DIO1: variants seen among roughly 807,000 people sequenced by gnomAD.
DIO1 encodes iodothyronine deiodinase 1.
A neutral mutation model predicts 25.9 loss-of-function variants in DIO1; 17 were observed. That is an observed-to-expected ratio of 0.66 (90% CI 0.45 to 0.98). The LOEUF (loss-of-function observed/expected upper bound fraction) is 0.98, where lower values mean the gene tolerates loss of function less well. Ranked by LOEUF, DIO1 falls within the 50% of genes least tolerant of loss-of-function variation. DIO1 has a pLI of 0.00. For missense variants in DIO1, 270 were observed against 310.4 expected, an observed-to-expected ratio of 0.87 and a Z score of 0.98; for synonymous variants, 115 against 114.0, an observed-to-expected ratio of 1.01 and a Z score of -0.05.
rs1231061349 is a variant in DIO1, at chr1:53,910,014, T to C, written c.*15T>C. The C allele has an allele frequency of 6.2e-7, 1 of 1,612,566 alleles. No individual in the cohort carries two copies. Among genetic ancestry groups the C allele is most frequent in the Non-Finnish European group, 8.5e-7 (1 of 1,178,682 alleles). On this transcript the variant is annotated 3_prime_UTR_variant, in exon 4 of 4. Transcript: ENST00000361921. ...TCCACAGTTAATCTGGACAGATACC[T>C]CAATTCTAGGTGACCAACGGGAGGG...
chr1:53,896,456 G>T (rs1651085801), intron 1 of DIO1, among the ~76,000 whole-genome samples: 1 of 152,048 alleles, frequency 6.6e-6, no homozygotes, highest in South Asian at 2.1e-4. Context: ...GGACTCAAGT[G>T]ATCCACCCAC....
intron 1 of DIO1, among the ~76,000 whole-genome samples, chr1:53,897,308 T>C (rs1651129711): frequency 6.6e-6 from 1 of 152,072 alleles, no homozygotes; most frequent in South Asian, 2.1e-4. Context: ...AAACCTCGTC[T>C]CTACTAAAAA....
chr1:53,907,650 G>A (rs12080377), intron 3 of DIO1, among the ~76,000 whole-genome samples: 16,023 of 152,170 alleles, frequency 0.11, 932 homozygotes, highest in African/African-American at 0.15. Flanking sequence ...AGTGGCTTAC[G>A]CCTGTAATCC....
chr1:53,904,678 T>C lies in DIO1; in HGVS notation c.350T>C (p.Leu117Pro), dbSNP rs1651552315. Residue 117 changes from leucine to proline, a missense_variant, in exon 2 of 4, where the codon CTG (leucine) becomes CCG (proline). Transcript: ENST00000361921. ...IWEFMQGNRP[L>P]VLNFGSCTUP... Reference sequence around the variant, plus strand: ...GTTGCTGTTTCAGGTAATAGGCCACTGGTGCTGAATTTTGGAAGTTGTACC... The same window carrying C: ...GTTGCTGTTTCAGGTAATAGGCCACCGGTGCTGAATTTTGGAAGTTGTACC... 1 of 1,613,682 alleles carries C rather than the reference T, an allele frequency of 6.2e-7. No homozygotes were observed. Among genetic ancestry groups the C allele is most frequent in the Non-Finnish European group, 8.5e-7 (1 of 1,179,800 alleles).
chr1:53,897,310 T>C (rs929692856), intron 1 of DIO1, among the ~76,000 whole-genome samples: 3 of 152,060 alleles, frequency 2.0e-5, no homozygotes, highest in Admixed American at 6.5e-5. Flanking sequence ...ACCTCGTCTC[T>C]ACTAAAAATA....
intron 1 of DIO1, among the ~76,000 whole-genome samples, chr1:53,895,284 G>T (rs6671330): frequency 0.23 from 34,232 of 151,970 alleles, 4,077 homozygotes; most frequent in African/African-American, 0.29. Context: ...TTAGCCAGGC[G>T]TGGTGGTGTG....
intron 1 of DIO1, among the ~76,000 whole-genome samples, chr1:53,900,278 T>C (rs1174751759): frequency 6.6e-6 from 1 of 151,682 alleles, no homozygotes; most frequent in Non-Finnish European, 1.5e-5. Context: ...CGTTTTCCCC[T>C]CCTGTTCTAC....
intron 1 of DIO1, among the ~76,000 whole-genome samples, chr1:53,898,130 G>A (rs1330552034): frequency 6.6e-6 from 1 of 152,168 alleles, no homozygotes; most frequent in Non-Finnish European, 1.5e-5. Context: ...CCAAGGGAAA[G>A]CTTCCTGGAG....
At position 53,910,868 on chromosome 1, in the gene DIO1, G is replaced by A. The variant is rs1053915222; in HGVS notation, c.*869G>A. The A allele has an allele frequency of 6.6e-6, 1 of 152,598 alleles. No individual in the cohort carries two copies. The highest frequency in any genetic ancestry group is 2.4e-5 in the African/African-American group (1 of 41,432). 9.5% of individuals were successfully genotyped at this position (152,598 alleles called of 1,614,324 possible). A position where few individuals can be genotyped will look rare whatever the true frequency, so the allele number is the denominator to read the frequency against. ...TGCAGAAGCTCATTTGTGAAATTCT[G>A]TTTCTCTGATTTCTTCGCAAGTCTC... On this transcript the variant is annotated 3_prime_UTR_variant, in exon 4 of 4. Coordinates refer to ENST00000361921, the MANE Select transcript of DIO1 (RefSeq NM_000792.7).
chr1:53,903,431 G>A (rs1280855611), intron 1 of DIO1, among the ~76,000 whole-genome samples: 1 of 151,768 alleles, frequency 6.6e-6, no homozygotes, highest in Non-Finnish European at 1.5e-5. Context: ...TCGGTCTCTG[G>A]GGTGCTGGGT....
intron 1 of DIO1, among the ~76,000 whole-genome samples, chr1:53,897,335 G>C (rs184886626): frequency 6.6e-6 from 1 of 152,122 alleles, no homozygotes. Context: ...AATCAGCCAG[G>C]CATGGTGGCA....
chr1:53,898,616 G>A (rs973471091), intron 1 of DIO1, among the ~76,000 whole-genome samples: 12 of 151,950 alleles, frequency 7.9e-5, no homozygotes, highest in African/African-American at 2.2e-4. Flanking sequence ...ATCGTGGCAT[G>A]CGCCTGTAAT....
intron 3 of DIO1, among the ~76,000 whole-genome samples, chr1:53,906,552 A>G (rs1215513918): frequency 6.6e-6 from 1 of 152,196 alleles, no homozygotes; most frequent in Non-Finnish European, 1.5e-5. Context: ...CTGGAGCTGC[A>G]TCCTCCCGGC....
chr1:53,900,982 CTTTTTTTTTTT>C (rs71063891), intron 1 of DIO1, among the ~76,000 whole-genome samples: 17,289 of 72,506 alleles, frequency 0.24, 1,544 homozygotes, highest in South Asian at 0.45. Context: ...GGCCAGCTAA[CTTTTTTTTTTT>C]TTTTTTTTTT....
rs78043995 is a variant in DIO1 at position 53,894,799 on chromosome 1, T to C, written c.337+252T>C. Among the ~76,000 whole-genome samples, 1,651 of 152,280 alleles carry C rather than the reference T, an allele frequency of 0.011. 102 individuals carry two copies. In the East Asian group the frequency reaches 0.16, roughly 15 times the overall value. ...TCAGCCCCTGGAACACTGCTCTTAC[T>C]GTACAGGCTGATCTGCCTGGGCTGC... On this transcript the variant is annotated intron_variant, in intron 1 of 3. Coordinates refer to ENST00000361921, the MANE Select transcript of DIO1 (RefSeq NM_000792.7). This position sits in a 1 kb window ranked among gnomAD's most constrained non-coding sequence, Gnocchi z 4.9.
In DIO1 at chr1:53,906,241, G is replaced by A. The variant is rs202120584; in HGVS notation, c.628G>A (p.Ala210Thr). The A allele has an allele frequency of 5.0e-4, 813 of 1,614,110 alleles. 4 individuals are homozygous for A. The highest frequency in any genetic ancestry group is 4.5e-3 in the South Asian group (412 of 91,076). Residue 210 changes from alanine to threonine, a missense_variant, in exon 3 of 4, where the codon GCA (alanine) becomes ACA (threonine). By Grantham distance (58) the Ala-to-Thr change is moderately conservative. Coordinates refer to ENST00000361921, the MANE Select transcript of DIO1 (RefSeq NM_000792.7). ...TMQNQSSQLY[A>T]ALPERLYIIQ... is the part of the protein sequence containing the mutation. Reference sequence around the variant, plus strand: ...GCAGAACCAGAGCAGCCAGCTCTACGCAGCACTGCCTGAGAGGCTCTACAT... The same window carrying A: ...GCAGAACCAGAGCAGCCAGCTCTACACAGCACTGCCTGAGAGGCTCTACAT...
At chr1:53,908,894 C>T (rs1256950772) in intron 3 of DIO1, among the ~76,000 whole-genome samples, 1 of 152,034 alleles carries the variant, frequency 6.6e-6, no homozygotes, top group Non-Finnish European at 1.5e-5. Flanking sequence ...GAGTTCAAGA[C>T]CAGCTTGGCC....
chr1:53,901,674 A>G (rs554920951), intron 1 of DIO1, among the ~76,000 whole-genome samples: 1 of 152,296 alleles, frequency 6.6e-6, no homozygotes, highest in African/African-American at 2.4e-5. Flanking sequence ...TAAATAGAAT[A>G]CAAAATAGGG....
At chr1:53,898,143 G>A (rs1651173296) in intron 1 of DIO1, among the ~76,000 whole-genome samples, 1 of 152,166 alleles carries the variant, frequency 6.6e-6, no homozygotes, top group Non-Finnish European at 1.5e-5. Flanking sequence ...TCCTGGAGGA[G>A]AGGATGGTGT....
Sources: gnomAD v4.1 joint callset for allele counts (sites outside exome capture counted in the v4.1 genomes callset) on GRCh38, gnomAD v4.1.1 for gene constraint, Gnocchi (gnomAD v3.1) non-coding constraint, MANE v1.5 for transcripts, NCBI Gene and HGNC (gene_info 2026-07-23, HGNC 2026-07-21) for gene names.